Variants in CAST observed in about 807,000 individuals in gnomAD.
The protein encoded by CAST is MIR583 host.
In CAST, 76 loss-of-function variants were observed where a neutral mutation model predicts 119.6. That is an observed-to-expected ratio of 0.64 (90% CI 0.53 to 0.77). The LOEUF (loss-of-function observed/expected upper bound fraction) is 0.77. Ranked by LOEUF, CAST falls within the 30% of genes least tolerant of loss-of-function variation. CAST has a pLI of 0.00. For synonymous variants in CAST, 319 were observed against 331.6 expected (o/e 0.96, Z 0.41); for missense variants, 953 against 946.5 (o/e 1.01, Z -0.09).
At chr5:95,993,516 C>A in the CAST span, among the ~76,000 whole-genome samples, 1 of 152,096 alleles carries the variant, frequency 6.6e-6, no homozygotes, top group African/African-American at 2.4e-5. Flanking sequence ...ATAAACCTCC[C>A]ACAATGCACA....
chr5:96,498,953 T>C, the CAST span, among the ~76,000 whole-genome samples: 17 of 151,358 alleles, frequency 1.1e-4, no homozygotes, highest in Non-Finnish European at 2.4e-4. Context: ...CAGTTTAGGA[T>C]GTAGCTACCC....
chr5:96,297,409 AGT>A, the CAST span, among the ~76,000 whole-genome samples: 2 of 152,154 alleles, frequency 1.3e-5, no homozygotes, highest in African/African-American at 4.8e-5. Flanking sequence ...CAGATGTAGC[AGT>A]GTGTGTGTCT....
At chr5:96,271,637 C>A in the CAST span, among the ~76,000 whole-genome samples, 1 of 147,768 alleles carries the variant, frequency 6.8e-6, no homozygotes. Context: ...AGACTTGAAA[C>A]TATGAAACCA....
chr5:96,393,169 T>C, the CAST span: 1 of 1,614,212 alleles, frequency 6.2e-7, no homozygotes, highest in Non-Finnish European at 8.5e-7. Flanking sequence ...CGTAGAAGTT[T>C]TCATAAGGGA....
rs374409268 is a variant in CAST at position 96,562,784 on chromosome 5, G to T, written c.60+32904G>T. On this transcript the variant is annotated intron_variant, in intron 1 of 11. Coordinates refer to the CAST transcript ENST00000505143. ...ATGCTTATGATATTTTCATTCAATG[G>T]TATACTATGTGGCTCATAAAAGAAA... Among the ~76,000 whole-genome samples the T allele has an allele frequency of 3.9e-5, 6 of 152,276 alleles. No individual in the cohort carries two copies. The East Asian group carries it at 7.7e-4, about 20-fold the overall frequency.
the CAST span, among the ~76,000 whole-genome samples, chr5:96,404,008 C>T: frequency 5.9e-5 from 9 of 152,128 alleles, no homozygotes; most frequent in African/African-American, 2.2e-4. Flanking sequence ...TATTCTGATT[C>T]TTTTGATCTC....
the CAST span, among the ~76,000 whole-genome samples, chr5:96,322,787 C>T: frequency 6.6e-6 from 1 of 152,074 alleles, no homozygotes; most frequent in Admixed American, 6.6e-5. Flanking sequence ...CCCCACATTG[C>T]CTCAACATAT....
intron 3 of CAST, among the ~76,000 whole-genome samples, chr5:96,710,475 T>C (rs1755896434): frequency 6.6e-6 from 1 of 152,082 alleles, no homozygotes; most frequent in Non-Finnish European, 1.5e-5. Context: ...TTTTCCTTTG[T>C]ATGTTTCTAA....
intron 6 of CAST, among the ~76,000 whole-genome samples, chr5:96,727,952 T>C (rs1759594769): frequency 6.6e-6 from 1 of 152,176 alleles, no homozygotes; most frequent in South Asian, 2.1e-4. Context: ...GAATCTTTCC[T>C]AAGAGGCTGG....
At chr5:96,548,070 G>A (rs540941145) in intron 1 of CAST, among the ~76,000 whole-genome samples, 1 of 152,304 alleles carries the variant, frequency 6.6e-6, no homozygotes, top group Admixed American at 6.5e-5. Flanking sequence ...GGCCACAGTG[G>A]CATTTTAGGT....
At chr5:96,434,612 TTTTTTTG>T in the CAST span, among the ~76,000 whole-genome samples, 1 of 98,750 alleles carries the variant, frequency 1.0e-5, no homozygotes, top group Non-Finnish European at 2.1e-5. Flanking sequence ...AGTTTGTTTT[TTTTTTTG>T]TTGTTGTTGT....
At chr5:96,719,940 A>G (rs1413748001) in intron 3 of CAST, among the ~76,000 whole-genome samples, 1 of 152,186 alleles carries the variant, frequency 6.6e-6, no homozygotes, top group African/African-American at 2.4e-5. Context: ...GCCTGTCTCA[A>G]CTATCCCCTG....
the CAST span, among the ~76,000 whole-genome samples, chr5:96,262,825 A>G: frequency 4.6e-5 from 7 of 152,166 alleles, no homozygotes; most frequent in Non-Finnish European, 8.8e-5. Flanking sequence ...ATGAGCCACC[A>G]CGCCCAGCCT....
chr5:96,192,288 C>G, the CAST span, among the ~76,000 whole-genome samples: 1 of 152,182 alleles, frequency 6.6e-6, no homozygotes, highest in Non-Finnish European at 1.5e-5. Context: ...AAACATTGCA[C>G]TTCTGCTTTT....
chr5:96,727,419 T>G (rs1184964308), intron 5 of CAST, 70 bp from the exon 6 acceptor site: 1 of 775,232 alleles, frequency 1.3e-6, no homozygotes, highest in Admixed American at 2.9e-5. Flanking sequence ...AAATCTGTGA[T>G]AGTCTTTGTA....
the CAST span, among the ~76,000 whole-genome samples, chr5:96,275,681 T>G: frequency 1.3e-5 from 2 of 152,194 alleles, no homozygotes; most frequent in South Asian, 2.1e-4. Context: ...TCAAAAGCTA[T>G]TTATGTTCAG....
the CAST span, among the ~76,000 whole-genome samples, chr5:96,395,647 AG>A: frequency 1.3e-5 from 2 of 151,606 alleles, no homozygotes; most frequent in Admixed American, 1.3e-4. Flanking sequence ...GTCAGGGAGT[AG>A]GGGGCAAGGG....
the CAST span, among the ~76,000 whole-genome samples, chr5:95,972,694 A>G: frequency 4.6e-5 from 7 of 152,190 alleles, no homozygotes; most frequent in Non-Finnish European, 7.4e-5. Context: ...CAGAGCAAAA[A>G]AAGTTTTTGA....
At chr5:96,599,972 A>AAAAGAAAAAG (rs1554070012) in intron 1 of CAST, among the ~76,000 whole-genome samples, 1 of 142,492 alleles carries the variant, frequency 7.0e-6, no homozygotes, top group Non-Finnish European at 1.5e-5. Context: ...TAGGCAAAAA[A>AAAAGAAAAAG]AAAAAAAAAA....
Sources: gnomAD v4.1 joint callset for allele counts (sites outside exome capture counted in the v4.1 genomes callset) on GRCh38, gnomAD v4.1.1 for gene constraint, MANE v1.5 for transcripts, NCBI Gene and HGNC (gene_info 2026-07-23, HGNC 2026-07-21) for gene names.